The following DTYMK variants were observed in gnomAD, a reference collection of about 807,000 sequenced individuals.
DTYMK encodes deoxythymidylate kinase, also known as thymidylate kinase.
In DTYMK, 20 loss-of-function variants were observed where a neutral mutation model predicts 20.3. The ratio of observed to expected loss-of-function variants is 0.99; its 90% confidence interval spans 0.69 to 1.43. The LOEUF is 1.43. Among genes scored for constraint, DTYMK ranks in the 40% most tolerant of loss-of-function variants. The probability of loss-of-function intolerance (pLI) is 0.00; values close to 1 mark genes in which losing one functional copy is unlikely to be tolerated. For missense variants in DTYMK, 320 were observed against 291.1 expected (o/e 1.10, Z -0.72); for synonymous variants, 148 against 124.4 (o/e 1.19, Z -1.27).
In DTYMK at chr2:241,686,759, T is replaced by G; in HGVS notation, c.25A>C (p.Ile9Leu). 1 of 1,486,744 alleles carries G rather than the reference T, an allele frequency of 6.7e-7. No individual in the cohort carries two copies. Among genetic ancestry groups the G allele is most frequent in the Non-Finnish European group, 8.8e-7 (1 of 1,133,104 alleles). The allele number at this position is 1,486,744 out of a possible 1,614,324, so 92.1% of individuals were successfully genotyped here. The change falls in exon 1 of 5, where the codon ATA (isoleucine) becomes CTA (leucine). Residue 9 changes from isoleucine (I) to leucine (L), a missense_variant. Transcript: ENST00000305784. ...GCGCGGTCCACGCCCTCCAGCACTA[T>G]GAGAGCCCCGCGCCGGGCCGCCATG... MAARRGAL[I>L]VLEGVDRAGK... is the part of the protein sequence containing the mutation.
chr2:241,678,631 A>C lies in DTYMK; in HGVS notation c.349T>G (p.Cys117Gly). The change falls in exon 4 of 5, where the codon TGT becomes GGT. Residue 117 changes from cysteine to glycine, a missense_variant. By Grantham distance (159) the Cys-to-Gly change is radical (BLOSUM62 -3). Transcript: ENST00000305784. ...GGAAGGCCCACGTCTGGCTGTTTAC[A>C]CCAATCTAGGGAAAAATTCTGCCAA... ...GAKENFSLDW[C>G]KQPDVGLPKP... is the part of the protein sequence containing the mutation. 2 of 1,614,124 alleles carry C rather than the reference A, an allele frequency of 1.2e-6. No individual in the cohort carries two copies. Among genetic ancestry groups the C allele is most frequent in the Non-Finnish European group, 1.7e-6 (2 of 1,180,044 alleles).
At chr2:241,678,765 G>T in intron 3 of DTYMK, 116 bp from the exon 4 acceptor site, 1 of 1,140,400 alleles carries the variant, frequency 8.8e-7, no homozygotes, top group East Asian at 2.5e-5. Flanking sequence ...ATGTGAGACT[G>T]TTTATATTGT....
At chr2:241,680,447 C>G (rs1363721739) in intron 2 of DTYMK, 128 bp from the exon 3 acceptor site, 2 of 903,116 alleles carry the variant, frequency 2.2e-6, no homozygotes, top group East Asian at 2.7e-5. Context: ...GAGGCTGAGG[C>G]GGGCGGATCA....
intron 2 of DTYMK, chr2:241,684,791 T>C (rs754258396): frequency 4.4e-6 from 2 of 450,694 alleles, no homozygotes; most frequent in Non-Finnish European, 9.0e-6. Context: ...GGAGAGTTCA[T>C]ATAAACTCAG....
Position 241,685,881 on chromosome 2 carries a change from G to GA in DTYMK, c.131-5dup, listed in dbSNP as rs1218594419. 3 of 1,612,938 alleles carry GA rather than the reference G, an allele frequency of 1.9e-6. No individual in the cohort carries two copies. The highest frequency in any genetic ancestry group is 8.5e-7 in the Non-Finnish European group (1 of 1,179,492). ...TTGCCGATTTCAGTTGATCTTTCTA[G>GA]AAAAAAAGAGAAACACACAAAATGC... is the stretch of plus-strand genomic sequence containing the variant. On this transcript the variant is annotated splice_polypyrimidine_tract_variant and splice_region_variant and intron_variant, in intron 1 of 4. Transcript: ENST00000305784.
chr2:241,677,347 C>G (rs1028870116), intron 4 of DTYMK, among the ~76,000 whole-genome samples: 3 of 152,232 alleles, frequency 2.0e-5, no homozygotes, highest in African/African-American at 7.2e-5. Flanking sequence ...CCTCTCCGGG[C>G]GGAATGACTG....
intron 2 of DTYMK, 105 bp from the exon 3 acceptor site, chr2:241,680,424 C>A (rs1278924356): frequency 2.4e-6 from 3 of 1,263,754 alleles, no homozygotes; most frequent in Non-Finnish European, 3.4e-6. Flanking sequence ...CCCCTATAAT[C>A]CCAGCGCTTT....
intron 2 of DTYMK, among the ~76,000 whole-genome samples, chr2:241,684,915 T>C (rs1395385354): frequency 6.6e-6 from 1 of 152,094 alleles, no homozygotes; most frequent in Non-Finnish European, 1.5e-5. Flanking sequence ...CTCTACATAC[T>C]CTACTTTTTG....
chr2:241,677,754 G>A (rs1432915596), intron 4 of DTYMK, among the ~76,000 whole-genome samples: 2 of 152,226 alleles, frequency 1.3e-5, no homozygotes, highest in Non-Finnish European at 2.9e-5. Context: ...GAAGGAGGCA[G>A]GACTGAAGGG....
At position 241,678,582 on chromosome 2, in the gene DTYMK, AG is replaced by A; in HGVS notation, c.397del (p.Leu133SerfsTer36). The A allele has an allele frequency of 6.2e-7, 1 of 1,614,180 alleles. No individual in the cohort carries two copies. On this transcript the variant is annotated frameshift_variant, in exon 4 of 5. Coordinates refer to ENST00000305784, the MANE Select transcript of DTYMK (RefSeq NM_012145.4). LOFTEE classifies it high-confidence loss of function. ...GLPKPDLVLF[L>X]QLQLADAAKR... ...GGCAGCATCCGCCAGCTGTAACTGGAGGAACAGGACCAGGTCGGGTTTGGGA... is the reference window on the plus strand; with the variant it reads ...GGCAGCATCCGCCAGCTGTAACTGGAGAACAGGACCAGGTCGGGTTTGGGA...
chr2:241,685,004 T>C (rs1017754436), intron 2 of DTYMK: 3 of 210,038 alleles, frequency 1.4e-5, no homozygotes, highest in African/African-American at 7.1e-5. Flanking sequence ...AGCCTGGGCG[T>C]GATATGGTGA....
chr2:241,680,203 C>T (rs1559285168), intron 3 of DTYMK, 26 bp downstream of exon 3: 1 of 1,613,128 alleles, frequency 6.2e-7, no homozygotes, highest in Non-Finnish European at 8.5e-7. Context: ...CTGTGCTCGC[C>T]TGACAGGAGG....
chr2:241,677,590 G>A (rs111832204), intron 4 of DTYMK, among the ~76,000 whole-genome samples: 9,158 of 152,332 alleles, frequency 0.06, 872 homozygotes, highest in African/African-American at 0.2. Flanking sequence ...CCTGGAAAGA[G>A]GCCACGTGGG....
rs925159871 is a variant in DTYMK at position 241,682,270 on chromosome 2, G to C, written c.240-1951C>G. Reference sequence around the variant, plus strand: ...GTGGGAAGATCACTTGAACCCGGGAGGTCGAGGCTGCAGTAAGCTGTGATT... The same window carrying C: ...GTGGGAAGATCACTTGAACCCGGGACGTCGAGGCTGCAGTAAGCTGTGATT... On this transcript the variant is annotated intron_variant, in intron 2 of 4. Transcript: ENST00000305784. 8.8e-6 allele frequency: 4 copies of C among 453,978 alleles called. No individual in the cohort carries two copies. The Middle Eastern group carries it at 1.3e-3, about 149-fold the overall frequency. 28.1% of individuals were successfully genotyped at this position (453,978 alleles called of 1,614,324 possible).
chr2:241,682,437 TA>T, intron 2 of DTYMK: 1 of 300,026 alleles, frequency 3.3e-6, no homozygotes, highest in Middle Eastern at 4.7e-4. Flanking sequence ...GACTGTTATC[TA>T]AAGCATACAA....
intron 3 of DTYMK, among the ~76,000 whole-genome samples, chr2:241,679,570 T>C (rs1435054147): frequency 2.0e-5 from 3 of 151,984 alleles, no homozygotes; most frequent in Non-Finnish European, 4.4e-5. Flanking sequence ...AGAGTTGTTA[T>C]AGCGAGCTTT....
chr2:241,681,068 T>C (rs1355184909), intron 2 of DTYMK, among the ~76,000 whole-genome samples: 3 of 152,286 alleles, frequency 2.0e-5, no homozygotes, highest in Admixed American at 6.5e-5. Context: ...ACTGCAAGGA[T>C]GTTCTCAGCC....
chr2:241,676,930 G>A (rs1049674490), intron 4 of DTYMK, among the ~76,000 whole-genome samples: 15 of 152,276 alleles, frequency 9.9e-5, no homozygotes, highest in African/African-American at 3.6e-4. Flanking sequence ...CAGGACCAGT[G>A]CAACACTGGG....
intron 1 of DTYMK, among the ~76,000 whole-genome samples, chr2:241,686,391 GGGCGCGGT>G (rs1159264486): frequency 6.6e-6 from 1 of 152,222 alleles, no homozygotes; most frequent in Non-Finnish European, 1.5e-5. Context: ...AGCGTGGACC[GGGCGCGGT>G]GGCGCGCGCC....
Sources: gnomAD v4.1 joint callset for allele counts (sites outside exome capture counted in the v4.1 genomes callset) on GRCh38, gnomAD v4.1.1 for gene constraint, MANE v1.5 for transcripts, NCBI Gene and HGNC (gene_info 2026-07-23, HGNC 2026-07-21) for gene names.